The following ZNF862 variants were observed in gnomAD, a reference collection of about 807,000 sequenced individuals.
ZNF862 encodes zinc finger protein 862.
In ZNF862, 64 loss-of-function variants were observed where a neutral mutation model predicts 91.1. The ratio of observed to expected loss-of-function variants is 0.70; its 90% CI spans 0.57 to 0.87. ZNF862 has a LOEUF of 0.87. Ranked by LOEUF, ZNF862 falls within the 40% of genes least tolerant of loss-of-function variation. The pLI, the probability that ZNF862 is intolerant of heterozygous loss-of-function variation, is 0.00. For synonymous variants in ZNF862, 631 were observed against 618.1 expected (o/e 1.02, Z -0.31); for missense variants, 1,459 against 1,528.0 (o/e 0.95, Z 0.75).
At chr7:149,839,726 T>C (rs1022068805) in intron 1 of ZNF862, among the ~76,000 whole-genome samples, 2 of 152,114 alleles carry the variant, frequency 1.3e-5, no homozygotes, top group African/African-American at 4.8e-5. Flanking sequence ...CTCCACAAGC[T>C]ACAGTGATGC....
chr7:149,846,125 G>A (rs778929720), intron 2 of ZNF862, 26 bp from the exon 3 acceptor site: 26 of 1,511,190 alleles, frequency 1.7e-5, no homozygotes, highest in South Asian at 5.7e-5. Context: ...TCTCTCTCTC[G>A]CTCTCTTTTT....
At chr7:149,846,001 C>T (rs1388846220) in intron 2 of ZNF862, 150 bp from the exon 3 acceptor site, 5 of 622,152 alleles carry the variant, frequency 8.0e-6, no homozygotes, top group African/African-American at 7.4e-5. Context: ...CTGTGCTGAA[C>T]CACCAAGACT....
Position 149,859,531 on chromosome 7 carries a change from G to C in ZNF862, c.1222+5G>C, listed in dbSNP as rs367727793. The stretch of plus-strand genomic sequence containing the variant: ...GGGGGAAAGGTCGTCCTCCAGGTGA[G>C]TGTAAACCTACAGCATTCTGAAGGA... On this transcript the variant is annotated splice_donor_5th_base_variant and intron_variant, in intron 6 of 7. Coordinates refer to ENST00000223210, the MANE Select transcript of ZNF862 (RefSeq NM_001099220.3). 3 of 1,560,158 alleles carry C rather than the reference G, an allele frequency of 1.9e-6. No individual in the cohort carries two copies. In the African/African-American group the frequency reaches 4.1e-5, roughly 21 times the overall value.
rs767596135 is a variant in ZNF862 at position 149,861,826 on chromosome 7, A to C, written c.2666A>C (p.Lys889Thr). The change falls in exon 7 of 8, where the codon AAA becomes ACA. Residue 889 changes from lysine to threonine, a missense_variant. Coordinates refer to ENST00000223210, the MANE Select transcript of ZNF862 (RefSeq NM_001099220.3). This position sits in a 1 kb window ranked among gnomAD's most constrained non-coding sequence, Gnocchi z 6.7. Reference sequence around the variant, plus strand: ...AGCCTCCGTCACCAGGCAGGGCCCAAAGAGGAAGAATTCAACGCCAGCTTC... The same window carrying C: ...AGCCTCCGTCACCAGGCAGGGCCCACAGAGGAAGAATTCAACGCCAGCTTC... Reference protein sequence around the residue: ...LESLRHQAGPKEEEFNASFKD... With the variant: ...LESLRHQAGPTEEEFNASFKD... 6.2e-7 allele frequency: 1 copy of C among 1,613,720 alleles called. No individual in the cohort carries two copies. Among genetic ancestry groups the C allele is most frequent in the South Asian group, 1.1e-5 (1 of 91,082 alleles).
At chr7:149,842,806 G>T (rs999984141) in intron 1 of ZNF862, among the ~76,000 whole-genome samples, 1 of 152,226 alleles carries the variant, frequency 6.6e-6, no homozygotes, top group Non-Finnish European at 1.5e-5. Context: ...TCTTGGGGTT[G>T]TCTTCAATGC....
rs149956917 is a variant in ZNF862, at chr7:149,850,198, T to G, written c.977T>G (p.Val326Gly). 211 of 1,594,036 alleles carry G rather than the reference T, an allele frequency of 1.3e-4. No individual in the cohort carries two copies. The African/African-American group carries it at 2.5e-3, about 19-fold the overall frequency. The part of the protein sequence containing the change: ...SAEGLSEEVP[V>G]VFEELPVVFE... ...GAGGGGCTGTCGGAGGAGGTTCCTG[T>G]GGTGTTTGAGGAGCTGCCGGTGGTG... is the stretch of plus-strand genomic sequence containing the variant. Residue 326 changes from valine (V) to glycine (G), a missense_variant, in exon 5 of 8, where the codon GTG becomes GGG. By Grantham distance (109) the Val-to-Gly change is moderately radical. Transcript: ENST00000223210. The surrounding 1 kb of genome is among the most constrained non-coding windows in gnomAD (Gnocchi z 4.2).
At chr7:149,843,268 A>G (rs1280649598) in intron 1 of ZNF862, among the ~76,000 whole-genome samples, 1 of 152,144 alleles carries the variant, frequency 6.6e-6, no homozygotes, top group Non-Finnish European at 1.5e-5. Context: ...TATTCCACCT[A>G]TTTTAAATGG....
At chr7:149,846,005 C>T in intron 2 of ZNF862, 146 bp from the exon 3 acceptor site, 2 of 629,062 alleles carry the variant, frequency 3.2e-6, no homozygotes, top group Non-Finnish European at 5.7e-6. Context: ...GCTGAACCAC[C>T]AAGACTCCTA....
At chr7:149,844,068 G>C (rs1218269018) in intron 1 of ZNF862, among the ~76,000 whole-genome samples, 1 of 152,080 alleles carries the variant, frequency 6.6e-6, no homozygotes, top group Non-Finnish European at 1.5e-5. Flanking sequence ...AAATGGGCTT[G>C]TTTAATCTGC....
Position 149,840,837 on chromosome 7 carries a change from C to T in ZNF862, c.24+2202C>T, listed in dbSNP as rs144834831. The T allele has an allele frequency of 3.7e-4, 215 of 584,104 alleles. 1 individual carries two copies. The African/African-American group carries it at 4.1e-3, about 11-fold the overall frequency. 36.2% of individuals were successfully genotyped at this position (584,104 alleles called of 1,614,324 possible). A position where few individuals can be genotyped will look rare whatever the true frequency, so the allele number is the denominator to read the frequency against. On this transcript the variant is annotated intron_variant, in intron 1 of 7. Coordinates refer to ENST00000223210, the MANE Select transcript of ZNF862 (RefSeq NM_001099220.3). ...TACCATGTAGTTTTGTATAAGTACACTCTGTGATGTTCCACAATGACAGAA... is the reference window on the plus strand; with the variant it reads ...TACCATGTAGTTTTGTATAAGTACATTCTGTGATGTTCCACAATGACAGAA...
At chr7:149,852,912 G>A (rs1802116066) in intron 5 of ZNF862, among the ~76,000 whole-genome samples, 1 of 152,184 alleles carries the variant, frequency 6.6e-6, no homozygotes, top group South Asian at 2.1e-4. Flanking sequence ...TACAGAGCTG[G>A]GGGAAGGCGT....
intron 1 of ZNF862, chr7:149,841,187 A>C (rs889762180): frequency 2.0e-6 from 2 of 985,202 alleles, no homozygotes; most frequent in East Asian, 1.1e-4. Flanking sequence ...CTGTTCTACA[A>C]CTCCACTCCG....
chr7:149,848,395 A>G lies in ZNF862; in HGVS notation c.902A>G (p.Asn301Ser). The G allele has an allele frequency of 6.3e-7, 1 of 1,580,072 alleles. No homozygotes were observed. Among genetic ancestry groups the G allele is most frequent in the Non-Finnish European group, 8.6e-7 (1 of 1,162,430 alleles). The change falls in exon 4 of 8, where the codon AAT becomes AGT. Residue 301 changes from asparagine (N) to serine (S), a missense_variant. Transcript: ENST00000223210. ...GGCATCCACAGCTCCTCAGACATTA[A>G]TATTTTATATAATGATGCAGTAGAA... ...TDGIHSSSDI[N>S]ILYNDAVESC...
At chr7:149,849,810 C>T (rs1354363004) in intron 4 of ZNF862, among the ~76,000 whole-genome samples, 1 of 152,180 alleles carries the variant, frequency 6.6e-6, no homozygotes, top group Non-Finnish European at 1.5e-5. Flanking sequence ...CTTAGGTGCT[C>T]CTAGAGGCAC....
rs764707645 is a variant in ZNF862, at chr7:149,861,223, C to T, written c.2063C>T (p.Pro688Leu). 5.6e-6 allele frequency: 9 copies of T among 1,612,160 alleles called. No homozygotes were observed. Among genetic ancestry groups the T allele is most frequent in the Non-Finnish European group, 6.8e-6 (8 of 1,179,532 alleles). Residue 688 changes from proline to leucine, a missense_variant, in exon 7 of 8, where the codon CCT becomes CTT. Coordinates refer to ENST00000223210, the MANE Select transcript of ZNF862 (RefSeq NM_001099220.3). This position sits in a 1 kb window ranked among gnomAD's most constrained non-coding sequence, Gnocchi z 6.7. ...GAGCTGGACATCCCCTTCCGGAAGCCTGGCTGGGTGGTGGGGCTGGGGACG... is the reference window on the plus strand; with the variant it reads ...GAGCTGGACATCCCCTTCCGGAAGCTTGGCTGGGTGGTGGGGCTGGGGACG... Reference protein sequence around the residue: ...LDELDIPFRKPGWVVGLGTDG... With the variant: ...LDELDIPFRKLGWVVGLGTDG...
At position 149,866,433 on chromosome 7, in the gene ZNF862, G is replaced by GGT. The variant is rs1802728559; in HGVS notation, c.*2151_*2152dup. 1 of 152,218 alleles carries GGT rather than the reference G, an allele frequency of 6.6e-6. No individual in the cohort carries two copies. The highest frequency in any genetic ancestry group is 1.5e-5 in the Non-Finnish European group (1 of 68,074). 9.4% of individuals were successfully genotyped at this position (152,218 alleles called of 1,614,324 possible). On this transcript the variant is annotated 3_prime_UTR_variant, in exon 8 of 8. Coordinates refer to ENST00000223210, the MANE Select transcript of ZNF862 (RefSeq NM_001099220.3). ...CCTACCCACAGGGATTCCACATCAA[G>GGT]GTGCTGTTCCAGCACACATGCTTCC...
At chr7:149,841,018 C>G in intron 1 of ZNF862, 1 of 985,372 alleles carries the variant, frequency 1.0e-6, no homozygotes, top group Non-Finnish European at 1.2e-6. Flanking sequence ...TGATTATAAT[C>G]TTGATTTTAG....
chr7:149,850,505 G>A lies in ZNF862; in HGVS notation c.1117+167G>A. 1 of 662,852 alleles carries A rather than the reference G, an allele frequency of 1.5e-6. No homozygotes were observed. Among genetic ancestry groups the A allele is most frequent in the Non-Finnish European group, 2.5e-6 (1 of 401,854 alleles). 41.1% of individuals were successfully genotyped at this position (662,852 alleles called of 1,614,324 possible). A position where few individuals can be genotyped will look rare whatever the true frequency, so the allele number is the denominator to read the frequency against. The stretch of plus-strand genomic sequence containing the variant: ...TAACTCCCCTGCTTGGGGTAACTGT[G>A]CTTTATCACCTTCTCATCCACCCAC... On this transcript the variant is annotated intron_variant, in intron 5 of 7. Transcript: ENST00000223210. This position sits in a 1 kb window ranked among gnomAD's most constrained non-coding sequence, Gnocchi z 4.2.
In ZNF862 at chr7:149,848,054, G is replaced by A; in HGVS notation, c.561G>A (p.Val187=). ...LIEGYTGPFK[V]ETLKYHAKSK... is the part of the protein sequence containing the mutation. Reference sequence around the variant, plus strand: ...AAGGTTATACAGGACCATTCAAGGTGGAGACTCTCAAATACCACGCGAAGA... The same window carrying A: ...AAGGTTATACAGGACCATTCAAGGTAGAGACTCTCAAATACCACGCGAAGA... Residue 187 remains valine, a synonymous_variant, in exon 4 of 8, where the codon GTG becomes GTA. Coordinates refer to ENST00000223210, the MANE Select transcript of ZNF862 (RefSeq NM_001099220.3). 1.9e-6 allele frequency: 3 copies of A among 1,614,006 alleles called. No homozygotes were observed. Among genetic ancestry groups the A allele is most frequent in the Non-Finnish European group, 2.5e-6 (3 of 1,179,880 alleles).
Sources: allele counts gnomAD v4.1 joint callset (sites outside exome capture counted in the v4.1 genomes callset), GRCh38; gene constraint gnomAD v4.1.1; non-coding constraint Gnocchi (gnomAD v3.1); transcripts MANE v1.5; gene names NCBI Gene and HGNC (gene_info 2026-07-23, HGNC 2026-07-21).